The following TENM3 variants were observed in gnomAD, a reference collection of about 807,000 sequenced individuals.
TENM3 encodes the protein teneurin transmembrane protein 3, also known as teneurin-3.
In TENM3, 63 loss-of-function variants were observed where a neutral mutation model predicts 255.1. The ratio of observed to expected loss-of-function variants is 0.25; its 90% CI spans 0.20 to 0.30. The LOEUF is 0.30. Among genes scored for constraint, TENM3 ranks in the 10% least tolerant of loss-of-function variants. The pLI, the probability that TENM3 is intolerant of heterozygous loss-of-function variation, is 1.00. For missense variants in TENM3, 2,929 were observed against 3,461.1 expected (o/e 0.85, Z 3.86); for synonymous variants, 1,306 against 1,322.3 (o/e 0.99, Z 0.27).
At chr4:182,625,169 A>G (rs2152462258) in intron 4 of TENM3, among the ~76,000 whole-genome samples, 1 of 152,304 alleles carries the variant, frequency 6.6e-6, no homozygotes, top group African/African-American at 2.4e-5. Context: ...TCCATCGGTG[A>G]TACCAGGAGG....
At chr4:182,382,360 GTTT>G (rs35199503) in intron 3 of TENM3, among the ~76,000 whole-genome samples, 1 of 148,210 alleles carries the variant, frequency 6.7e-6, no homozygotes, top group Admixed American at 6.7e-5. Flanking sequence ...ACCATTTCTT[GTTT>G]TTTTTTTTTA....
At chr4:181,702,364 A>T in the TENM3 span, among the ~76,000 whole-genome samples, 15 of 152,346 alleles carry the variant, frequency 9.8e-5, no homozygotes, top group African/African-American at 2.9e-4. Flanking sequence ...TGCCAAGAGG[A>T]TTTCCAAAGA....
chr4:181,493,424 G>T, the TENM3 span, among the ~76,000 whole-genome samples: 1 of 152,146 alleles, frequency 6.6e-6, no homozygotes, highest in African/African-American at 2.4e-5. Flanking sequence ...CTCTGGAGAG[G>T]AGTGGTTTAA....
At chr4:182,398,405 C>A (rs1192421145) in intron 3 of TENM3, among the ~76,000 whole-genome samples, 2 of 151,922 alleles carry the variant, frequency 1.3e-5, no homozygotes, top group African/African-American at 2.4e-5. Context: ...AACTTTTTCT[C>A]TATATATTCC....
chr4:182,544,978 T>C (rs545543374), intron 3 of TENM3, among the ~76,000 whole-genome samples: 4 of 152,294 alleles, frequency 2.6e-5, no homozygotes, highest in African/African-American at 9.6e-5. Context: ...TCTTCAACAG[T>C]AGATATTGAA....
intron 3 of TENM3, among the ~76,000 whole-genome samples, chr4:182,411,236 T>A (rs570762488): frequency 6.6e-6 from 1 of 152,358 alleles, no homozygotes; most frequent in Admixed American, 6.5e-5. Flanking sequence ...ACACAGAAAG[T>A]AATTTCTTGA....
chr4:182,748,492 A>G (rs543698394), intron 19 of TENM3, among the ~76,000 whole-genome samples: 1 of 152,302 alleles, frequency 6.6e-6, no homozygotes, highest in South Asian at 2.1e-4. Flanking sequence ...CTTTTCAGAA[A>G]GTTGGAAAGC....
Position 182,789,410 on chromosome 4 carries a change from C to A in TENM3, c.5601+21C>A. The A allele has an allele frequency of 6.3e-7, 1 of 1,597,506 alleles. No individual in the cohort carries two copies. Among genetic ancestry groups the A allele is most frequent in the Non-Finnish European group, 8.6e-7 (1 of 1,168,630 alleles). ...AAAAGGTATGCCTGCAAACTAAGCT[C>A]AACAATAGGGAAAGGATAATTCACA... On this transcript the variant is annotated intron_variant, in intron 25 of 27. Coordinates refer to ENST00000511685, the MANE Select transcript of TENM3 (RefSeq NM_001080477.4). The surrounding 1 kb of genome is among the most constrained non-coding windows in gnomAD (Gnocchi z 4.4).
intron 1 of TENM3, among the ~76,000 whole-genome samples, chr4:182,181,342 C>T (rs565092657): frequency 2.2e-4 from 33 of 152,272 alleles, no homozygotes; most frequent in Admixed American, 1.7e-3. Context: ...TGAATGAGAA[C>T]GGTCCCCAAA....
chr4:182,132,489 CA>C, the TENM3 span, among the ~76,000 whole-genome samples: 107 of 145,684 alleles, frequency 7.3e-4, 1 homozygote, highest in South Asian at 0.019. Flanking sequence ...GAATCTGTCT[CA>C]AAAAAAAAAG....
intron 3 of TENM3, among the ~76,000 whole-genome samples, chr4:182,380,943 G>A (rs548103879): frequency 1.3e-5 from 2 of 152,308 alleles, no homozygotes; most frequent in East Asian, 1.9e-4. Context: ...TGGCACCAGC[G>A]CATGGAGAAA....
intron 22 of TENM3, among the ~76,000 whole-genome samples, chr4:182,761,600 A>G (rs1182068775): frequency 2.6e-5 from 4 of 152,052 alleles, no homozygotes; most frequent in Admixed American, 1.3e-4. Flanking sequence ...GTATATATGT[A>G]TACACACACA....
At chr4:181,570,035 C>CT in the TENM3 span, among the ~76,000 whole-genome samples, 27,566 of 113,872 alleles carry the variant, frequency 0.24, 3,855 homozygotes, top group African/African-American at 0.29. Flanking sequence ...ACAAATGTTT[C>CT]TTTTTTTTTT....
Position 182,600,880 on chromosome 4 carries a change from T to TAC in TENM3, c.512-43_512-42insCA, listed in dbSNP as rs770141482. 5 of 992,934 alleles carry TAC rather than the reference T, an allele frequency of 5.0e-6. No homozygotes were observed. In the East Asian group the frequency reaches 1.4e-4, roughly 27 times the overall value. The allele number at this position is 992,934 out of a possible 1,614,324, so 61.5% of individuals were successfully genotyped here. ...TAGTGTGTATATACATATATATATA[T>TAC]ATAATGAGTTCTCTTTCTTTTTTTT... On this transcript the variant is annotated intron_variant, in intron 3 of 27. Coordinates refer to ENST00000511685, the MANE Select transcript of TENM3 (RefSeq NM_001080477.4).
At chr4:181,698,689 T>C in the TENM3 span, among the ~76,000 whole-genome samples, 1 of 152,230 alleles carries the variant, frequency 6.6e-6, no homozygotes. Context: ...AGTAAGATCT[T>C]GGCAAATCAC....
the TENM3 span, among the ~76,000 whole-genome samples, chr4:181,755,751 C>T: frequency 6.6e-6 from 1 of 152,018 alleles, no homozygotes; most frequent in Non-Finnish European, 1.5e-5. Context: ...TTCCCGTTCT[C>T]TGTGGATTGC....
chr4:181,633,046 T>C, the TENM3 span, among the ~76,000 whole-genome samples: 2 of 152,222 alleles, frequency 1.3e-5, no homozygotes, highest in African/African-American at 4.8e-5. Flanking sequence ...AATTTGGTTA[T>C]CCTTCCAGAA....
At chr4:182,127,250 A>G in the TENM3 span, among the ~76,000 whole-genome samples, 2 of 152,238 alleles carry the variant, frequency 1.3e-5, no homozygotes, top group African/African-American at 4.8e-5. Context: ...ATTTAAAAGC[A>G]GCTAAAAACA....
At chr4:181,465,105 C>T in the TENM3 span, among the ~76,000 whole-genome samples, 1 of 151,882 alleles carries the variant, frequency 6.6e-6, no homozygotes, top group African/African-American at 2.4e-5. Flanking sequence ...AAATTTGTGA[C>T]TATAATTCAC....
Sources: allele counts gnomAD v4.1 joint callset (sites outside exome capture counted in the v4.1 genomes callset), GRCh38; gene constraint gnomAD v4.1.1; non-coding constraint Gnocchi (gnomAD v3.1); transcripts MANE v1.5; gene names NCBI Gene and HGNC (gene_info 2026-07-23, HGNC 2026-07-21).